Variants in AGMO observed in about 807,000 individuals in gnomAD.
AGMO encodes alkylglycerol monooxygenase.
In AGMO, 75 loss-of-function variants were observed where a neutral mutation model predicts 60.2. That is an observed-to-expected ratio of 1.25 (90% CI 1.03 to 1.51). The LOEUF (loss-of-function observed/expected upper bound fraction) is 1.51, where lower values mean the gene tolerates loss of function less well. Ranked by LOEUF, AGMO falls within the 40% of genes most tolerant of loss-of-function variation. The probability of loss-of-function intolerance (pLI) is 0.00; values close to 1 mark genes in which losing one functional copy is unlikely to be tolerated. For missense variants in AGMO, 763 were observed against 525.5 expected, an observed-to-expected ratio of 1.45 and a Z score of -4.42; for synonymous variants, 261 against 177.1, an observed-to-expected ratio of 1.47 and a Z score of -3.76.
intron 2 of AGMO, among the ~76,000 whole-genome samples, chr7:15,556,069 C>G (rs1450928157): frequency 6.6e-6 from 1 of 151,846 alleles, no homozygotes; most frequent in African/African-American, 2.4e-5. Context: ...TATATACATT[C>G]ATTTGTTAGG....
At chr7:15,137,941 C>A in the AGMO span, among the ~76,000 whole-genome samples, 549 of 152,196 alleles carry the variant, frequency 3.6e-3, 3 homozygotes, top group South Asian at 0.011. Context: ...TTGCTGAGAA[C>A]GGCAGTCTCC....
the AGMO span, among the ~76,000 whole-genome samples, chr7:15,159,045 CATAAT>C: frequency 1.3e-5 from 2 of 151,900 alleles, no homozygotes; most frequent in African/African-American, 2.4e-5. Flanking sequence ...ATTAGTTTCT[CATAAT>C]ATATCAAGAA....
chr7:15,154,727 G>A, the AGMO span, among the ~76,000 whole-genome samples: 1 of 152,074 alleles, frequency 6.6e-6, no homozygotes, highest in Admixed American at 6.5e-5. Flanking sequence ...CACTGGAGCT[G>A]GCAGGTATTC....
chr7:15,201,150 G>T lies in AGMO; in HGVS notation c.*135C>A. On this transcript the variant is annotated 3_prime_UTR_variant, in exon 13 of 13. Transcript: ENST00000342526. ...TAACAAATGTGAAAGGCAAACAATA[G>T]TAAATAAGTAATTTTACTTTTCATT... 1 of 546,732 alleles carries T rather than the reference G, an allele frequency of 1.8e-6. No homozygotes were observed. The allele number at this position is 546,732 out of a possible 1,614,324, so 33.9% of individuals were successfully genotyped here.
Position 15,250,079 on chromosome 7 carries a change from C to G in AGMO, c.1264-48720G>C, listed in dbSNP as rs966522854. Among the ~76,000 whole-genome samples, 5 of 152,098 alleles carry G rather than the reference C, an allele frequency of 3.3e-5. No homozygotes were observed. In the East Asian group the frequency reaches 9.6e-4, roughly 29 times the overall value. The stretch of plus-strand genomic sequence containing the variant: ...AATCTTTTAGTAAGTGTAGTTGAAG[C>G]CTTCAACAATTTAATATAATTGTGC... On this transcript the variant is annotated intron_variant, in intron 12 of 12. Coordinates refer to ENST00000342526, the MANE Select transcript of AGMO (RefSeq NM_001004320.2).
chr7:15,174,868 TA>T, the AGMO span, among the ~76,000 whole-genome samples: 3 of 151,830 alleles, frequency 2.0e-5, no homozygotes, highest in African/African-American at 7.3e-5. Context: ...ATCCAAATGA[TA>T]AAAAAAATTC....
At chr7:15,487,425 T>G (rs1201625973) in intron 3 of AGMO, among the ~76,000 whole-genome samples, 4 of 152,050 alleles carry the variant, frequency 2.6e-5, no homozygotes, top group Admixed American at 2.6e-4. Context: ...TAAATAAAAT[T>G]GAATAATATA....
rs532253174 is a variant in AGMO at position 15,374,944 on chromosome 7, G to C, written c.1075-8722C>G. On this transcript the variant is annotated intron_variant, in intron 10 of 12. Coordinates refer to ENST00000342526, the MANE Select transcript of AGMO (RefSeq NM_001004320.2). ...TGATACCCTGAAGAAATTATCCAAG[G>C]GCAAAAAAGGATCAGAGTTACAATG... is the stretch of plus-strand genomic sequence containing the variant. 3.9e-5 allele frequency among the ~76,000 whole-genome samples: 6 copies of C among 151,918 alleles called. No individual in the cohort carries two copies. In the East Asian group the frequency reaches 1.2e-3, roughly 29 times the overall value.
At chr7:15,322,557 A>AATAT (rs1167807876) in intron 12 of AGMO, among the ~76,000 whole-genome samples, 1 of 44,266 alleles carries the variant, frequency 2.3e-5, no homozygotes, top group Non-Finnish European at 3.5e-5. Context: ...AATATATATA[A>AATAT]ATATATAAAT....
At chr7:15,545,364 C>A (rs1268489535) in intron 2 of AGMO, among the ~76,000 whole-genome samples, 2 of 152,078 alleles carry the variant, frequency 1.3e-5, no homozygotes, top group Admixed American at 6.5e-5. Flanking sequence ...AAGGGTGCTG[C>A]AAATTGCCTA....
chr7:15,132,177 C>A, the AGMO span, among the ~76,000 whole-genome samples: 2 of 152,172 alleles, frequency 1.3e-5, no homozygotes, highest in East Asian at 3.9e-4. Context: ...GAAGACAACT[C>A]TGGTGTTCGC....
At chr7:15,541,263 C>T (rs185859405) in intron 3 of AGMO, among the ~76,000 whole-genome samples, 1 of 152,214 alleles carries the variant, frequency 6.6e-6, no homozygotes, top group Non-Finnish European at 1.5e-5. Flanking sequence ...GCTGGGATTA[C>T]AGGCGTGGGC....
At chr7:15,168,050 G>A in the AGMO span, among the ~76,000 whole-genome samples, 19 of 152,236 alleles carry the variant, frequency 1.2e-4, no homozygotes, top group East Asian at 1.7e-3. Context: ...GCAAGCTCAC[G>A]GGCCTTAAAT....
At chr7:15,326,921 A>C (rs1047332099) in intron 12 of AGMO, among the ~76,000 whole-genome samples, 1 of 152,238 alleles carries the variant, frequency 6.6e-6, no homozygotes, top group Non-Finnish European at 1.5e-5. Flanking sequence ...GAACCAAGAC[A>C]GTAAAGTTTT....
At chr7:15,275,724 T>C (rs1783765308) in intron 12 of AGMO, among the ~76,000 whole-genome samples, 1 of 152,192 alleles carries the variant, frequency 6.6e-6, no homozygotes, top group Non-Finnish European at 1.5e-5. Flanking sequence ...TTTCTGGTGT[T>C]GGGTGCATAT....
intron 2 of AGMO, among the ~76,000 whole-genome samples, chr7:15,550,079 C>T (rs1217239512): frequency 2.6e-5 from 4 of 152,014 alleles, no homozygotes; most frequent in South Asian, 2.1e-4. Flanking sequence ...GGATACATAA[C>T]GAAATGAAGG....
At chr7:15,202,662 T>G (rs2115466109) in intron 12 of AGMO, among the ~76,000 whole-genome samples, 1 of 152,034 alleles carries the variant, frequency 6.6e-6, no homozygotes, top group Middle Eastern at 3.4e-3. Context: ...ATACTAAAAA[T>G]AAAATCAGCA....
At chr7:15,388,933 T>G (rs1784031336) in intron 8 of AGMO, among the ~76,000 whole-genome samples, 1 of 152,212 alleles carries the variant, frequency 6.6e-6, no homozygotes, top group Non-Finnish European at 1.5e-5. Context: ...GGGAAAGACC[T>G]AGAGAATTGA....
the AGMO span, among the ~76,000 whole-genome samples, chr7:15,133,475 T>G: frequency 8.9e-5 from 13 of 146,634 alleles, no homozygotes; most frequent in African/African-American, 2.2e-4. Flanking sequence ...AGGGAAGAGA[T>G]AGAATGGAGA....
Sources: gnomAD v4.1 joint callset for allele counts (sites outside exome capture counted in the v4.1 genomes callset) on GRCh38, gnomAD v4.1.1 for gene constraint, MANE v1.5 for transcripts, NCBI Gene and HGNC (gene_info 2026-07-23, HGNC 2026-07-21) for gene names.